The following PEX7 variants were observed in gnomAD, a reference collection of about 807,000 sequenced individuals.
PEX7 encodes peroxisomal biogenesis factor 7, also known as PTS2 receptor.
In PEX7, 34 loss-of-function variants were observed where a neutral mutation model predicts 47.5. The observed-to-expected ratio is 0.72, with a 90% CI of 0.54 to 0.95. PEX7 has a LOEUF of 0.95. Ranked by LOEUF, PEX7 falls within the 40% of genes least tolerant of loss-of-function variation. The pLI, the probability that PEX7 is intolerant of heterozygous loss-of-function variation, is 0.00. For missense variants in PEX7, 394 were observed against 400.3 expected (o/e 0.98, Z 0.13); for synonymous variants, 141 against 148.8 (o/e 0.95, Z 0.38).
chr6:136,886,850 C>G (rs1477370900), intron 8 of PEX7, among the ~76,000 whole-genome samples: 1 of 152,008 alleles, frequency 6.6e-6, no homozygotes, highest in African/African-American at 2.4e-5. Context: ...CCCAGGAATT[C>G]GAGACCAGCC....
chr6:136,901,581 A>G (rs1775755293), intron 9 of PEX7: 1 of 152,270 alleles, frequency 6.6e-6, no homozygotes, highest in Non-Finnish European at 1.5e-5. Flanking sequence ...AGAGGGCAAG[A>G]GCAAAAGCTG....
At position 136,913,738 on chromosome 6, in the gene PEX7, G is replaced by T. The variant is rs1033813418; in HGVS notation, c.*212G>T. The T allele has an allele frequency of 5.3e-6, 3 of 561,084 alleles. No homozygotes were observed. Among genetic ancestry groups the T allele is most frequent in the East Asian group, 3.0e-5 (1 of 33,126 alleles). The allele number at this position is 561,084 out of a possible 1,614,324, so 34.8% of individuals were successfully genotyped here. A position where few individuals can be genotyped will look rare whatever the true frequency, so the allele number is the denominator to read the frequency against. ...ACATAAGCCATATTTAAAATTCTAA[G>T]AAATAATTAATGTTATGATATATCT... On this transcript the variant is annotated 3_prime_UTR_variant, in exon 10 of 10. Transcript: ENST00000318471.
chr6:136,826,287 AT>A, intron 2 of PEX7, 31 bp from the exon 3 acceptor site: 1 of 1,611,964 alleles, frequency 6.2e-7, no homozygotes, highest in Non-Finnish European at 8.5e-7. Context: ...TAAGTGTTGT[AT>A]TTTTTTGTTG....
At chr6:136,824,319 A>G (rs1331038422) in intron 1 of PEX7, among the ~76,000 whole-genome samples, 3 of 152,108 alleles carry the variant, frequency 2.0e-5, no homozygotes, top group South Asian at 2.1e-4. Context: ...TCCTGTCTCA[A>G]CCTCACCAGT....
chr6:136,881,668 G>A (rs1428992119), intron 8 of PEX7, among the ~76,000 whole-genome samples: 9 of 152,140 alleles, frequency 5.9e-5, no homozygotes, highest in Non-Finnish European at 1.5e-5. Flanking sequence ...ACACCCTGTG[G>A]GAAAATGCCT....
intron 5 of PEX7, among the ~76,000 whole-genome samples, chr6:136,855,041 T>C (rs1187753604): frequency 6.6e-6 from 1 of 150,496 alleles, no homozygotes; most frequent in African/African-American, 2.5e-5. Flanking sequence ...TGAGCCGAGA[T>C]AGCGCCACCG....
chr6:136,867,782 A>T (rs988733744), intron 6 of PEX7, among the ~76,000 whole-genome samples: 21 of 151,198 alleles, frequency 1.4e-4, no homozygotes, highest in African/African-American at 4.4e-4. Context: ...TCTCAAAACA[A>T]CAACAACAAC....
intron 3 of PEX7, among the ~76,000 whole-genome samples, chr6:136,837,363 A>G (rs1360834672): frequency 3.3e-5 from 5 of 149,422 alleles, no homozygotes; most frequent in Non-Finnish European, 7.5e-5. Context: ...GTCTGTCACA[A>G]AAAAAAAAAA....
At chr6:136,913,410 T>A (rs776546930) in intron 9 of PEX7, 48 bp from the exon 10 acceptor site, 54 of 1,368,730 alleles carry the variant, frequency 3.9e-5, no homozygotes, top group Non-Finnish European at 5.5e-5. Context: ...AATTTTGAAT[T>A]TTTGTATGTC....
intron 8 of PEX7, among the ~76,000 whole-genome samples, chr6:136,892,965 A>C (rs1281886957): frequency 6.6e-6 from 1 of 152,126 alleles, no homozygotes; most frequent in Non-Finnish European, 1.5e-5. Context: ...CCTCAAGTCC[A>C]TTCTTCTCAC....
intron 3 of PEX7, among the ~76,000 whole-genome samples, chr6:136,837,025 C>T (rs1420124094): frequency 6.6e-6 from 1 of 151,792 alleles, no homozygotes; most frequent in Non-Finnish European, 1.5e-5. Flanking sequence ...TACTTTGAAA[C>T]TCATATGTAC....
rs766666588 is a variant in PEX7, at chr6:136,872,245, T to C, written c.795T>C (p.Phe265=). ...TGCTGGCCTCTTGCTCGTATGATTT[T>C]ACTGTAAGGTACAGTGGTTTTTAAT... is the stretch of plus-strand genomic sequence containing the variant. The part of the protein sequence containing the change: ...ASVLASCSYD[F]TVRFWNFSKP... The change falls in exon 8 of 10, where the codon TTT becomes TTC. Residue 265 remains phenylalanine (F), a synonymous_variant. Transcript: ENST00000318471. 1 of 1,610,292 alleles carries C rather than the reference T, an allele frequency of 6.2e-7. No homozygotes were observed. The highest frequency in any genetic ancestry group is 8.5e-7 in the Non-Finnish European group (1 of 1,178,452).
intron 8 of PEX7, among the ~76,000 whole-genome samples, chr6:136,877,263 C>G (rs999351119): frequency 6.6e-6 from 1 of 151,920 alleles, no homozygotes; most frequent in Non-Finnish European, 1.5e-5. Context: ...ATTCTGTAGG[C>G]TGCCTGTTCA....
intron 8 of PEX7, among the ~76,000 whole-genome samples, chr6:136,891,224 A>G (rs992065960): frequency 3.9e-5 from 6 of 152,198 alleles, no homozygotes; most frequent in Non-Finnish European, 7.3e-5. Flanking sequence ...GCTTTGTGGT[A>G]TGTGGTTCCC....
intron 5 of PEX7, among the ~76,000 whole-genome samples, chr6:136,847,471 G>A (rs1410184561): frequency 6.7e-6 from 1 of 150,184 alleles, no homozygotes; most frequent in Non-Finnish European, 1.5e-5. Flanking sequence ...GGTTTTTATG[G>A]TTTTAGGTCT....
chr6:136,833,655 G>A (rs1246655624), intron 3 of PEX7, among the ~76,000 whole-genome samples: 1 of 152,128 alleles, frequency 6.6e-6, no homozygotes, highest in Non-Finnish European at 1.5e-5. Flanking sequence ...ATTGATAATA[G>A]CCATTTAAAG....
intron 5 of PEX7, among the ~76,000 whole-genome samples, chr6:136,859,171 A>C (rs972448689): frequency 2.0e-5 from 3 of 152,216 alleles, no homozygotes; most frequent in Admixed American, 6.5e-5. Flanking sequence ...CAAATCTAGC[A>C]TCAAATTAGT....
chr6:136,904,233 G>T (rs1775801304), intron 9 of PEX7, among the ~76,000 whole-genome samples: 1 of 152,144 alleles, frequency 6.6e-6, no homozygotes, highest in African/African-American at 2.4e-5. Context: ...GAAGCAGTCG[G>T]TGTCCTCAGG....
At chr6:136,855,351 T>C (rs2115190986) in intron 5 of PEX7, among the ~76,000 whole-genome samples, 1 of 151,272 alleles carries the variant, frequency 6.6e-6, no homozygotes, top group South Asian at 2.1e-4. Context: ...TTCTTCCTTT[T>C]TTTTTTTTTT....
Sources: allele counts gnomAD v4.1 joint callset (sites outside exome capture counted in the v4.1 genomes callset), GRCh38; gene constraint gnomAD v4.1.1; transcripts MANE v1.5; gene names NCBI Gene and HGNC (gene_info 2026-07-23, HGNC 2026-07-21).